PATJ: variants seen among roughly 807,000 people sequenced by gnomAD.
PATJ encodes inaD-like protein.
Under a neutral mutation model 224.9 loss-of-function variants are expected in PATJ, and 190 were observed. The ratio of observed to expected loss-of-function variants is 0.84; its 90% confidence interval spans 0.75 to 0.95. The LOEUF is 0.95. Ranked by LOEUF, PATJ falls within the 40% of genes least tolerant of loss-of-function variation. PATJ has a pLI of 0.00. For synonymous variants in PATJ, 769 were observed against 820.3 expected (o/e 0.94, Z 1.07); for missense variants, 2,121 against 2,270.3 (o/e 0.93, Z 1.34).
chr1:62,061,215 C>G (rs556405673), intron 31 of PATJ, among the ~76,000 whole-genome samples: 3 of 152,012 alleles, frequency 2.0e-5, no homozygotes, highest in Non-Finnish European at 4.4e-5. Context: ...GAGTTTCACT[C>G]TTGTCACCCA....
chr1:61,766,957 G>A (rs1646317566), intron 4 of PATJ, among the ~76,000 whole-genome samples: 1 of 152,162 alleles, frequency 6.6e-6, no homozygotes, highest in Admixed American at 6.5e-5. Flanking sequence ...GCCGGGCGTG[G>A]TGGCAGGCAC....
intron 27 of PATJ, among the ~76,000 whole-genome samples, chr1:61,963,377 T>C (rs1242327710): frequency 6.6e-6 from 1 of 152,070 alleles, no homozygotes; most frequent in Non-Finnish European, 1.5e-5. Flanking sequence ...GGTAGATTGC[T>C]TGAGGTCAGG....
At chr1:61,959,530 G>A (rs1386179563) in intron 27 of PATJ, among the ~76,000 whole-genome samples, 2 of 149,314 alleles carry the variant, frequency 1.3e-5, no homozygotes, top group Non-Finnish European at 3.0e-5. Context: ...GACCCACCAG[G>A]CTCAAGCGAT....
intron 7 of PATJ, among the ~76,000 whole-genome samples, chr1:61,779,658 G>T (rs139882830): frequency 1.3e-5 from 2 of 152,088 alleles, no homozygotes; most frequent in Non-Finnish European, 2.9e-5. Context: ...GCAGATTCCC[G>T]TACTACTTTG....
intron 27 of PATJ, among the ~76,000 whole-genome samples, chr1:61,979,733 A>C (rs1333676782): frequency 6.6e-6 from 1 of 152,066 alleles, no homozygotes; most frequent in African/African-American, 2.4e-5. Context: ...TAAGGAAATG[A>C]AGTCCCAAGG....
intron 29 of PATJ, among the ~76,000 whole-genome samples, chr1:62,019,920 C>T (rs1183362806): frequency 6.6e-6 from 1 of 151,882 alleles, no homozygotes; most frequent in Middle Eastern, 3.2e-3. Flanking sequence ...TGTAATCCCA[C>T]CACTTTGGGA....
intron 24 of PATJ, among the ~76,000 whole-genome samples, chr1:61,904,978 T>C (rs1386590994): frequency 6.6e-6 from 1 of 152,220 alleles, no homozygotes; most frequent in African/African-American, 2.4e-5. Context: ...ATCCCAGCAC[T>C]TTGGGAGGCG....
In PATJ at chr1:61,910,617, A is replaced by G. The variant is rs1421469621; in HGVS notation, c.3492+2135A>G. Among the ~76,000 whole-genome samples, 5 of 129,978 alleles carry G rather than the reference A, an allele frequency of 3.8e-5. No homozygotes were observed. In the East Asian group the frequency reaches 9.2e-4, roughly 24 times the overall value. The allele number at this position is 129,978 out of a possible 152,430, so 85.3% of individuals were successfully genotyped here. The stretch of plus-strand genomic sequence containing the variant: ...GGCTGAGTGCAGTGGCACAATCATG[A>G]CTCACTGAAGCCCCGATCTCCTTGG... On this transcript the variant is annotated intron_variant, in intron 25 of 43. Transcript: ENST00000642238.
chr1:62,070,065 T>C (rs1281425270), intron 31 of PATJ, among the ~76,000 whole-genome samples: 3 of 152,234 alleles, frequency 2.0e-5, no homozygotes, highest in Non-Finnish European at 4.4e-5. Flanking sequence ...ATTGGATTTT[T>C]AAACCTGTAG....
rs1449520803 is a variant in PATJ at position 61,805,501 on chromosome 1, T to C, written c.1603T>C (p.Leu535=). 1 of 1,602,562 alleles carries C rather than the reference T, an allele frequency of 6.2e-7. No homozygotes were observed. Among genetic ancestry groups the C allele is most frequent in the Middle Eastern group, 1.7e-4 (1 of 6,042 alleles). The change falls in exon 13 of 44, where the codon TTG becomes CTG. Residue 535 remains leucine (L), a synonymous_variant. Transcript: ENST00000642238. Reference sequence around the variant, plus strand: ...GCTGAAATCCAGATGGGAAAACCTGTTGGGTCCTGATTATGAAGTAATGGT... The same window carrying C: ...GCTGAAATCCAGATGGGAAAACCTGCTGGGTCCTGATTATGAAGTAATGGT... ...NELKSRWENL[L]GPDYEVMVAT... is the part of the protein sequence containing the mutation.
chr1:61,971,017 G>T (rs1033401254), intron 27 of PATJ, among the ~76,000 whole-genome samples: 2 of 152,278 alleles, frequency 1.3e-5, no homozygotes, highest in East Asian at 3.9e-4. Flanking sequence ...TAAGAAAATT[G>T]CCAGCTCCTT....
At chr1:61,888,175 G>C (rs1030595525) in intron 22 of PATJ, among the ~76,000 whole-genome samples, 1 of 152,208 alleles carries the variant, frequency 6.6e-6, no homozygotes, top group Non-Finnish European at 1.5e-5. Flanking sequence ...CTGGGGAAAC[G>C]CACAGTGATA....
intron 42 of PATJ, among the ~76,000 whole-genome samples, chr1:62,151,705 C>CT (rs765318791): frequency 2.6e-5 from 4 of 152,206 alleles, no homozygotes; most frequent in Non-Finnish European, 5.9e-5. Flanking sequence ...GCAAATTTCT[C>CT]TAAGTACATG....
intron 27 of PATJ, among the ~76,000 whole-genome samples, chr1:61,934,850 G>A (rs1202318254): frequency 6.6e-6 from 1 of 152,136 alleles, no homozygotes; most frequent in Non-Finnish European, 1.5e-5. Context: ...TGAAAATGCA[G>A]GTTTGCTCGT....
intron 27 of PATJ, among the ~76,000 whole-genome samples, chr1:61,988,414 T>C (rs1358001968): frequency 1.3e-5 from 2 of 152,220 alleles, no homozygotes; most frequent in Admixed American, 6.5e-5. Context: ...GTAATGCATG[T>C]CTTACATGTC....
At chr1:61,802,509 G>A (rs955300154) in intron 12 of PATJ, among the ~76,000 whole-genome samples, 2 of 151,924 alleles carry the variant, frequency 1.3e-5, no homozygotes, top group African/African-American at 4.8e-5. Flanking sequence ...AAACTCCTGA[G>A]CTCAAGCCAT....
chr1:61,867,311 A>T (rs1665578540), intron 20 of PATJ, among the ~76,000 whole-genome samples: 1 of 152,186 alleles, frequency 6.6e-6, no homozygotes. Context: ...CAATTTGAAG[A>T]ATGCATATTC....
At chr1:61,953,248 A>G (rs141041942) in intron 27 of PATJ, among the ~76,000 whole-genome samples, 2 of 152,252 alleles carry the variant, frequency 1.3e-5, no homozygotes, top group East Asian at 3.8e-4. Flanking sequence ...GTATTCTTGC[A>G]TAAGTATTAT....
intron 17 of PATJ, among the ~76,000 whole-genome samples, 162 bp from the exon 18 acceptor site, chr1:61,855,868 G>A (rs931694693): frequency 3.8e-4 from 58 of 152,176 alleles, no homozygotes; most frequent in South Asian, 6.2e-4. Context: ...GGCTTAGAGT[G>A]AGATTTTAAT....
Sources: gnomAD v4.1 joint callset for allele counts (sites outside exome capture counted in the v4.1 genomes callset) on GRCh38, gnomAD v4.1.1 for gene constraint, MANE v1.5 for transcripts, NCBI Gene and HGNC (gene_info 2026-07-23, HGNC 2026-07-21) for gene names.